Variants in GTF2IRD1 observed in about 807,000 individuals in gnomAD.
GTF2IRD1 encodes the protein general transcription factor II-I repeat domain-containing protein 1.
Under a neutral mutation model 113.2 loss-of-function variants are expected in GTF2IRD1, and 26 were observed. That is an observed-to-expected ratio of 0.23 (90% confidence interval 0.17 to 0.32). GTF2IRD1 has a LOEUF of 0.32. GTF2IRD1 is among the 10% of genes least tolerant of loss of function. The pLI, the probability that GTF2IRD1 is intolerant of heterozygous loss-of-function variation, is 1.00. For synonymous variants in GTF2IRD1, 484 were observed against 529.1 expected (o/e 0.91, Z 1.17); for missense variants, 864 against 1,280.8 (o/e 0.67, Z 4.97).
intron 1 of GTF2IRD1, among the ~76,000 whole-genome samples, chr7:74,457,887 T>G (rs1793095849): frequency 2.7e-5 from 4 of 150,802 alleles, no homozygotes; most frequent in South Asian, 4.2e-4. Flanking sequence ...GTTTTTTTTT[T>G]TTTTTTTTTG....
chr7:74,493,136 G>A (rs1182275499), intron 1 of GTF2IRD1, among the ~76,000 whole-genome samples: 1 of 148,862 alleles, frequency 6.7e-6, no homozygotes, highest in South Asian at 2.2e-4. Flanking sequence ...TGAGATAGGG[G>A]TCTCACTGTC....
intron 1 of GTF2IRD1, among the ~76,000 whole-genome samples, chr7:74,481,224 A>C (rs1350850726): frequency 1.3e-5 from 2 of 152,188 alleles, no homozygotes; most frequent in Non-Finnish European, 2.9e-5. Context: ...GCGCAATCCC[A>C]GTTCGATGCA....
chr7:74,588,398 G>A (rs782025171), intron 22 of GTF2IRD1, among the ~76,000 whole-genome samples: 9 of 151,782 alleles, frequency 5.9e-5, no homozygotes, highest in Non-Finnish European at 1.2e-4. Context: ...GTGAGCCACC[G>A]CACCCAGCCA....
intron 20 of GTF2IRD1, among the ~76,000 whole-genome samples, chr7:74,558,081 C>G (rs1554357743): frequency 1.3e-5 from 2 of 151,900 alleles, no homozygotes; most frequent in African/African-American, 4.8e-5. Context: ...CGAGGCCAGC[C>G]TGGGCAACAT....
At chr7:74,459,903 T>C (rs1207760337) in intron 1 of GTF2IRD1, among the ~76,000 whole-genome samples, 1 of 151,094 alleles carries the variant, frequency 6.6e-6, no homozygotes, top group East Asian at 1.9e-4. Context: ...GGATCAGGGC[T>C]CAGTGGAGGC....
At chr7:74,473,786 C>T (rs1024609624) in intron 1 of GTF2IRD1, among the ~76,000 whole-genome samples, 11 of 152,240 alleles carry the variant, frequency 7.2e-5, no homozygotes, top group African/African-American at 2.2e-4. Flanking sequence ...TAGCACAGGA[C>T]ACTTGCCCAC....
chr7:74,459,960 C>A (rs1793254651), intron 1 of GTF2IRD1, among the ~76,000 whole-genome samples: 1 of 150,780 alleles, frequency 6.6e-6, no homozygotes, highest in Admixed American at 6.6e-5. Context: ...AGCTGATTCA[C>A]TGAATCTTGG....
chr7:74,496,255 T>G lies in GTF2IRD1; in HGVS notation c.-6-11820T>G, dbSNP rs1795666493. Among the ~76,000 whole-genome samples the G allele has an allele frequency of 9.4e-5, 14 of 149,570 alleles. No homozygotes were observed. The South Asian group carries it at 2.8e-3, about 30-fold the overall frequency. On this transcript the variant is annotated intron_variant, in intron 1 of 26. Coordinates refer to ENST00000424337, the MANE Select transcript of GTF2IRD1 (RefSeq NM_005685.4). ...GCATGCGTGTGTGGGTGTCTGCATATGTGTGTATGCATGTGAGTGGGTATG... is the reference window on the plus strand; with the variant it reads ...GCATGCGTGTGTGGGTGTCTGCATAGGTGTGTATGCATGTGAGTGGGTATG...
At chr7:74,534,098 C>T (rs1443659098) in intron 9 of GTF2IRD1, among the ~76,000 whole-genome samples, 3 of 151,920 alleles carry the variant, frequency 2.0e-5, no homozygotes, top group Non-Finnish European at 4.4e-5. Flanking sequence ...TGCTCTGTGC[C>T]GTCCTGTGCC....
At chr7:74,576,286 T>C (rs1801058608) in intron 22 of GTF2IRD1, among the ~76,000 whole-genome samples, 1 of 151,920 alleles carries the variant, frequency 6.6e-6, no homozygotes, top group South Asian at 2.1e-4. Context: ...AGGGGCCAGG[T>C]GCAGTGGCTC....
chr7:74,602,113 G>A (rs1011402194), intron 26 of GTF2IRD1: 62 of 313,314 alleles, frequency 2.0e-4, no homozygotes, highest in African/African-American at 1.3e-3. Context: ...ATGGTGGCGG[G>A]CGCCTATAAT....
intron 24 of GTF2IRD1, among the ~76,000 whole-genome samples, chr7:74,594,181 A>G (rs1802257364): frequency 6.6e-6 from 1 of 151,488 alleles, no homozygotes; most frequent in Non-Finnish European, 1.5e-5. Context: ...CCTGGACAAC[A>G]GAGCAAGACT....
intron 14 of GTF2IRD1, among the ~76,000 whole-genome samples, chr7:74,541,705 G>C (rs74705923): frequency 6.6e-6 from 1 of 151,900 alleles, no homozygotes; most frequent in Non-Finnish European, 1.5e-5. Context: ...TTCAAAACCA[G>C]CCTGGCCAGC....
intron 1 of GTF2IRD1, among the ~76,000 whole-genome samples, chr7:74,478,181 C>T (rs2117079456): frequency 6.6e-6 from 1 of 152,362 alleles, no homozygotes; most frequent in East Asian, 1.9e-4. Context: ...ATTTCCCACC[C>T]AGCACTCCCC....
chr7:74,522,565 T>C (rs910700932), intron 7 of GTF2IRD1, among the ~76,000 whole-genome samples: 55 of 151,774 alleles, frequency 3.6e-4, no homozygotes, highest in African/African-American at 1.2e-3. Flanking sequence ...GAAAACCCAG[T>C]CCCCTGGGAT....
At chr7:74,586,730 G>A (rs112087168) in intron 22 of GTF2IRD1, among the ~76,000 whole-genome samples, 2,028 of 152,294 alleles carry the variant, frequency 0.013, 24 homozygotes, top group Non-Finnish European at 0.022. Flanking sequence ...GGCAGCTTGC[G>A]CACGGGAGGC....
intron 14 of GTF2IRD1, among the ~76,000 whole-genome samples, chr7:74,543,872 C>CAAAAAAAAAAAAAAAAAAAA (rs782039486): frequency 2.9e-5 from 1 of 34,590 alleles, no homozygotes. Flanking sequence ...CCCATCTCTA[C>CAAAAAAAAAAAAAAAAAAAA]AAAAAAAAAA....
chr7:74,465,574 G>T (rs1438368286), intron 1 of GTF2IRD1, among the ~76,000 whole-genome samples: 2 of 152,154 alleles, frequency 1.3e-5, no homozygotes, highest in Non-Finnish European at 2.9e-5. Context: ...GTTGCGGGGA[G>T]CTAGCTGCCA....
chr7:74,591,145 C>T (rs1554369504), intron 24 of GTF2IRD1, 128 bp downstream of exon 24: 1 of 506,006 alleles, frequency 2.0e-6, no homozygotes, highest in Non-Finnish European at 3.5e-6. Context: ...CCTCTTTCTC[C>T]TGAAACATAC....
Sources: gnomAD v4.1 joint callset for allele counts (sites outside exome capture counted in the v4.1 genomes callset) on GRCh38, gnomAD v4.1.1 for gene constraint, MANE v1.5 for transcripts, NCBI Gene and HGNC (gene_info 2026-07-23, HGNC 2026-07-21) for gene names.